MAGT1: variants seen among roughly 807,000 people sequenced by gnomAD.
MAGT1 encodes the protein magnesium transporter 1.
In MAGT1, 4 loss-of-function variants were observed where a neutral mutation model predicts 28.4. The ratio of observed to expected loss-of-function variants is 0.14; its 90% CI spans 0.07 to 0.32. The LOEUF (loss-of-function observed/expected upper bound fraction) is 0.32, where lower values mean the gene tolerates loss of function less well. Among genes scored for constraint, MAGT1 ranks in the 10% least tolerant of loss-of-function variants. MAGT1 has a pLI of 1.00. For synonymous variants in MAGT1, 89 were observed against 89.7 expected (o/e 0.99, Z 0.04); for missense variants, 193 against 264.5 (o/e 0.73, Z 1.88).
At chrX:77,856,549 C>T in intron 5 of MAGT1, 184 bp downstream of exon 5, 2 of 435,740 alleles carry the variant, frequency 4.6e-6, no homozygotes. Flanking sequence ...CCTTGAAGTT[C>T]TGGCCATCCT....
At position 77,826,669 on chromosome X, in the gene MAGT1, A is replaced by G. The variant is rs914205060; in HGVS notation, c.*2551T>C. 8.0e-5 allele frequency: 9 copies of G among 112,649 alleles called. No individual in the cohort carries two copies. The highest frequency in any genetic ancestry group is 4.2e-3 in the Middle Eastern group (1 of 238). 9.3% of individuals were successfully genotyped at this position (112,649 alleles called of 1,213,427 possible). A position where few individuals can be genotyped will look rare whatever the true frequency, so the allele number is the denominator to read the frequency against. Reference sequence around the variant, plus strand: ...TCTTAAAGGGAGAAAAAGCAAATACAAAAAATTGTCATTCTGTCAATGTTC... The same window carrying G: ...TCTTAAAGGGAGAAAAAGCAAATACGAAAAATTGTCATTCTGTCAATGTTC... On this transcript the variant is annotated 3_prime_UTR_variant, in exon 10 of 10. Transcript: ENST00000618282.
intron 1 of MAGT1, among the ~76,000 whole-genome samples, chrX:77,885,966 C>T (rs1432715286): frequency 6.3e-5 from 7 of 110,826 alleles, no homozygotes; most frequent in East Asian, 5.7e-4. Flanking sequence ...GGTGACAGAG[C>T]GAGACTCCGT....
intron 6 of MAGT1, among the ~76,000 whole-genome samples, chrX:77,855,159 C>G (rs1274528862): frequency 9.0e-6 from 1 of 110,713 alleles, no homozygotes; most frequent in African/African-American, 3.3e-5. Flanking sequence ...ACTAAAAATA[C>G]AAAATTAGCT....
intron 8 of MAGT1, among the ~76,000 whole-genome samples, chrX:77,838,967 T>C (rs910148807): frequency 7.3e-5 from 8 of 109,999 alleles, no homozygotes; most frequent in Admixed American, 7.0e-4. Context: ...TATATATGTA[T>C]CTATAAAACA....
At chrX:77,842,189 T>G (rs2076936909) in intron 7 of MAGT1, among the ~76,000 whole-genome samples, 1 of 110,061 alleles carries the variant, frequency 9.1e-6, no homozygotes, top group Non-Finnish European at 1.9e-5. Flanking sequence ...GTCTGGGAGT[T>G]CAAAACCAGC....
chrX:77,894,488 ATGAC>A (rs1458406154), intron 1 of MAGT1, among the ~76,000 whole-genome samples: 4 of 112,177 alleles, frequency 3.6e-5, no homozygotes, highest in African/African-American at 1.3e-4. Flanking sequence ...TAGAGTTAGA[ATGAC>A]TGACGTAGGG....
chrX:77,849,435 G>A (rs2076960940), intron 7 of MAGT1, among the ~76,000 whole-genome samples: 1 of 110,943 alleles, frequency 9.0e-6, no homozygotes, highest in African/African-American at 3.3e-5. Flanking sequence ...AACCCATAGT[G>A]TTAGCAGTCA....
intron 2 of MAGT1, among the ~76,000 whole-genome samples, chrX:77,873,878 T>C (rs782597810): frequency 7.2e-5 from 8 of 111,340 alleles, no homozygotes; most frequent in Non-Finnish European, 1.3e-4. Context: ...TAACTAAAAC[T>C]TTGTACACTT....
At chrX:77,857,642 G>A in intron 3 of MAGT1, 145 bp from the exon 4 acceptor site, 1 of 678,272 alleles carries the variant, frequency 1.5e-6, no homozygotes, top group Non-Finnish European at 2.3e-6. Context: ...AAGGAAAGTG[G>A]TAAGTGGTGG....
chrX:77,833,304 A>AC (rs782161443), intron 8 of MAGT1, among the ~76,000 whole-genome samples: 13 of 112,391 alleles, frequency 1.2e-4, no homozygotes, highest in African/African-American at 4.2e-4. Flanking sequence ...AAATGGAAAT[A>AC]CCACTATAAT....
At chrX:77,876,164 A>T (rs1272754543) in intron 1 of MAGT1, among the ~76,000 whole-genome samples, 396 of 24,962 alleles carry the variant, frequency 0.016, 10 homozygotes, top group African/African-American at 0.025. Context: ...ATATATATAT[A>T]TTTTTTTTTT....
intron 1 of MAGT1, among the ~76,000 whole-genome samples, chrX:77,887,371 T>C (rs1365580545): frequency 8.9e-6 from 1 of 112,047 alleles, no homozygotes; most frequent in Non-Finnish European, 1.9e-5. Flanking sequence ...GTGTTGGGAT[T>C]ACAAGTGGGA....
At chrX:77,832,890 T>C (rs2149009215) in intron 8 of MAGT1, among the ~76,000 whole-genome samples, 1 of 108,739 alleles carries the variant, frequency 9.2e-6, no homozygotes, top group South Asian at 4.0e-4. Context: ...GTTTTACTTA[T>C]GGAACAATTC....
intron 7 of MAGT1, among the ~76,000 whole-genome samples, chrX:77,845,226 T>G (rs1275134243): frequency 2.7e-5 from 3 of 111,538 alleles, no homozygotes; most frequent in Non-Finnish European, 5.6e-5. Flanking sequence ...TTTGATCTTT[T>G]TTGGTTTAAA....
intron 1 of MAGT1, among the ~76,000 whole-genome samples, chrX:77,884,901 T>C (rs1284159687): frequency 6.6e-5 from 7 of 106,381 alleles, no homozygotes; most frequent in Non-Finnish European, 1.4e-4. Context: ...TGAAACCCCG[T>C]CTCTACTAAA....
intron 1 of MAGT1, among the ~76,000 whole-genome samples, chrX:77,876,165 T>TATATATATATATATATATA (rs1491126690): frequency 7.5e-5 from 1 of 13,368 alleles, no homozygotes; most frequent in African/African-American, 1.9e-4. Context: ...TATATATATA[T>TATATATATATATATATATA]TTTTTTTTTT....
At chrX:77,890,895 T>C (rs1364125730) in intron 1 of MAGT1, among the ~76,000 whole-genome samples, 1 of 111,404 alleles carries the variant, frequency 9.0e-6, no homozygotes, top group Middle Eastern at 4.2e-3. Context: ...ACAGACTTTT[T>C]TGGAAAACTG....
chrX:77,852,194 C>T (rs2076970413), intron 7 of MAGT1, among the ~76,000 whole-genome samples: 1 of 112,418 alleles, frequency 8.9e-6, no homozygotes, highest in African/African-American at 3.2e-5. Flanking sequence ...TGAGCCACCA[C>T]GCCTGGCCTC....
chrX:77,862,978 C>T lies in MAGT1; in HGVS notation c.391-5481G>A, dbSNP rs781983821. The stretch of plus-strand genomic sequence containing the variant: ...GGTCAGGAGTTCGAGATCAGCCTGG[C>T]CAACATGGTGAAACCCTGTCTCTAC... On this transcript the variant is annotated intron_variant, in intron 3 of 9. Transcript: ENST00000618282. 3.7e-5 allele frequency among the ~76,000 whole-genome samples: 4 copies of T among 109,436 alleles called. No homozygotes were observed. The Admixed American group carries it at 4.0e-4, about 11-fold the overall frequency.
Sources: gnomAD v4.1 joint callset for allele counts (sites outside exome capture counted in the v4.1 genomes callset) on GRCh38, gnomAD v4.1.1 for gene constraint, MANE v1.5 for transcripts, NCBI Gene and HGNC (gene_info 2026-07-23, HGNC 2026-07-21) for gene names.